NLRP11: variants seen among roughly 807,000 people sequenced by gnomAD.
NLRP11 encodes the protein NACHT, LRR and PYD domains-containing protein 11.
A neutral mutation model predicts 79.3 loss-of-function variants in NLRP11; 53 were observed. The observed-to-expected ratio is 0.67, with a 90% CI of 0.54 to 0.84. NLRP11 has a LOEUF of 0.84. Among genes scored for constraint, NLRP11 ranks in the 40% least tolerant of loss-of-function variants. The pLI is 0.00. For missense variants in NLRP11, 1,264 were observed against 1,255.0 expected, an observed-to-expected ratio of 1.01 and a Z score of -0.11; for synonymous variants, 518 against 462.6, an observed-to-expected ratio of 1.12 and a Z score of -1.54.
chr19:55,805,305 G>A (rs758061004), intron 4 of NLRP11, among the ~76,000 whole-genome samples: 20 of 151,892 alleles, frequency 1.3e-4, no homozygotes, highest in Non-Finnish European at 7.4e-5. Flanking sequence ...TGTGGAAGCT[G>A]GCCAACCCTT....
At chr19:55,805,625 C>T (rs139758666) in intron 4 of NLRP11, among the ~76,000 whole-genome samples, 4 of 152,126 alleles carry the variant, frequency 2.6e-5, no homozygotes, top group African/African-American at 7.2e-5. Context: ...CCGTGGCCTG[C>T]GCCTCCCGGG....
At position 55,794,754 on chromosome 19, in the gene NLRP11, C is replaced by T. The variant is rs566569727; in HGVS notation, c.2342+1326G>A. ...CAGCCTGGGCAATACAGCGAGACTC[C>T]GTCTCAAAAAAAAAAAATAAATAAA... is the stretch of plus-strand genomic sequence containing the variant. On this transcript the variant is annotated intron_variant, in intron 6 of 9. Coordinates refer to ENST00000589093, the Ensembl canonical transcript of NLRP11. Among the ~76,000 whole-genome samples the T allele has an allele frequency of 3.9e-3, 591 of 150,502 alleles. 3 individuals carry two copies. The highest frequency in any genetic ancestry group is 4.1e-3 in the Non-Finnish European group (277 of 67,806).
chr19:55,796,345 T>C, intron 5 of NLRP11, 95 bp from the exon 6 acceptor site: 3 of 952,296 alleles, frequency 3.2e-6, no homozygotes, highest in Non-Finnish European at 4.6e-6. Context: ...CCTAACCAAG[T>C]GCGATGATGT....
intron 5 of NLRP11, among the ~76,000 whole-genome samples, chr19:55,797,538 G>A (rs776628465): frequency 1.3e-5 from 2 of 152,146 alleles, no homozygotes; most frequent in East Asian, 3.8e-4. Flanking sequence ...GTAAAGACAG[G>A]GCTGAATGTA....
chr19:55,818,277 A>G (rs1981343382), intron 1 of NLRP11, 41 bp from the exon 2 acceptor site: 6 of 871,184 alleles, frequency 6.9e-6, no homozygotes, highest in African/African-American at 5.1e-5. Flanking sequence ...ACCACACAGT[A>G]ATGCCAATTC....
rs770845210 is a variant in NLRP11 at position 55,809,665 on chromosome 19, G to A, written c.945C>T (p.Asp315=). The change falls in exon 3 of 10, where the codon GAC becomes GAT. Residue 315 remains aspartate, a synonymous_variant. Transcript: ENST00000589093. This position sits in a 1 kb window ranked among gnomAD's most constrained non-coding sequence, Gnocchi z 4.5. ...GGAGGGCTGCCGACGCCCTCTGGCGGTCTTTAAAGAAAGAGTTAAAATATA... is the reference window on the plus strand; with the variant it reads ...GGAGGGCTGCCGACGCCCTCTGGCGATCTTTAAAGAAAGAGTTAAAATATA... The A allele has an allele frequency of 1.2e-5, 19 of 1,613,884 alleles. No individual in the cohort carries two copies. In the African/African-American group the frequency reaches 2.1e-4, roughly 18 times the overall value.
chr19:55,823,125 A>G (rs1266784995), intron 1 of NLRP11, among the ~76,000 whole-genome samples: 1 of 146,042 alleles, frequency 6.8e-6, no homozygotes, highest in Non-Finnish European at 1.5e-5. Flanking sequence ...AAGCAGCCTA[A>G]CTGGGAGGCA....
At position 55,797,572 on chromosome 19, in the gene NLRP11, T is replaced by C. The variant is rs1218605966; in HGVS notation, c.2172-1322A>G. On this transcript the variant is annotated intron_variant, in intron 5 of 9. Coordinates refer to ENST00000589093, the Ensembl canonical transcript of NLRP11. Reference sequence around the variant, plus strand: ...TATCATGTGCCTAGTAGATGATCAGTTCTTTATAGAAAGTAAATCAGAGTA... The same window carrying C: ...TATCATGTGCCTAGTAGATGATCAGCTCTTTATAGAAAGTAAATCAGAGTA... Among the ~76,000 whole-genome samples the C allele has an allele frequency of 2.0e-5, 3 of 152,228 alleles. No individual in the cohort carries two copies. The East Asian group carries it at 5.8e-4, about 29-fold the overall frequency.
intron 2 of NLRP11, among the ~76,000 whole-genome samples, chr19:55,811,982 C>T (rs1194956562): frequency 6.6e-6 from 1 of 151,718 alleles, no homozygotes; most frequent in Non-Finnish European, 1.5e-5. Context: ...CACACACACA[C>T]ACACACACAC....
upstream of NLRP11, among the ~76,000 whole-genome samples, chr19:55,833,765 C>CAAAAA (rs71182919): frequency 9.8e-4 from 23 of 23,490 alleles, 1 homozygote; most frequent in African/African-American, 2.8e-3. Flanking sequence ...GACTCCGTCT[C>CAAAAA]AAAAAAAAAA....
intron 4 of NLRP11, among the ~76,000 whole-genome samples, chr19:55,805,133 C>G (rs1979864135): frequency 6.6e-6 from 1 of 152,114 alleles, no homozygotes; most frequent in South Asian, 2.1e-4. Flanking sequence ...ACCACCACCA[C>G]CGGCCCTCAC....
chr19:55,813,490 G>A (rs1980800847), intron 2 of NLRP11, among the ~76,000 whole-genome samples: 1 of 152,070 alleles, frequency 6.6e-6, no homozygotes, highest in African/African-American at 2.4e-5. Flanking sequence ...TTTTCCACTG[G>A]GAGCAGTCTA....
Position 55,785,879 on chromosome 19 carries a change from A to G in NLRP11, c.2856-8T>C. 6.2e-7 allele frequency: 1 copy of G among 1,610,092 alleles called. No individual in the cohort carries two copies. The highest frequency in any genetic ancestry group is 1.1e-5 in the South Asian group (1 of 90,200). ...AGGCCAGTTAATGGAAGCCTGAAGG[A>G]AAACAGAGAGAGAACGCCGTTAATG... is the stretch of plus-strand genomic sequence containing the variant. On this transcript the variant is annotated splice_region_variant and splice_polypyrimidine_tract_variant and intron_variant, in intron 9 of 9. Coordinates refer to ENST00000589093, the Ensembl canonical transcript of NLRP11.
intron 4 of NLRP11, among the ~76,000 whole-genome samples, chr19:55,805,940 A>G (rs1220488252): frequency 6.6e-6 from 1 of 152,152 alleles, no homozygotes; most frequent in Non-Finnish European, 1.5e-5. Flanking sequence ...CTACCTTGCT[A>G]ATGTCATTGG....
intron 6 of NLRP11, among the ~76,000 whole-genome samples, chr19:55,795,312 C>T (rs572337376): frequency 2.0e-5 from 3 of 152,196 alleles, no homozygotes; most frequent in African/African-American, 7.2e-5. Context: ...AATCCTATTT[C>T]AAGGCAATCT....
intron 1 of NLRP11, among the ~76,000 whole-genome samples, chr19:55,822,846 G>A (rs4399643): frequency 0.044 from 6,634 of 152,182 alleles, 258 homozygotes; most frequent in East Asian, 0.16. Context: ...AGGGGCGCCC[G>A]CCATTGCCCA....
intron 6 of NLRP11, among the ~76,000 whole-genome samples, chr19:55,794,017 T>G (rs1426039482): frequency 6.6e-6 from 1 of 152,218 alleles, no homozygotes; most frequent in Non-Finnish European, 1.5e-5. Context: ...TTTCACGTTC[T>G]TAGGCTTAGA....
chr19:55,814,785 G>T (rs1229135287), intron 2 of NLRP11, among the ~76,000 whole-genome samples: 2 of 152,140 alleles, frequency 1.3e-5, no homozygotes, highest in African/African-American at 2.4e-5. Flanking sequence ...TTTTCAACTG[G>T]ATTATCTAGG....
At chr19:55,793,773 T>C (rs1600175137) in intron 6 of NLRP11, among the ~76,000 whole-genome samples, 2 of 152,070 alleles carry the variant, frequency 1.3e-5, no homozygotes, top group East Asian at 3.9e-4. Flanking sequence ...TTATTTTAAT[T>C]TGGGTTTGAC....
Sources: gnomAD v4.1 joint callset for allele counts (sites outside exome capture counted in the v4.1 genomes callset) on GRCh38, gnomAD v4.1.1 for gene constraint, Gnocchi (gnomAD v3.1) non-coding constraint, MANE v1.5 for transcripts, NCBI Gene and HGNC (gene_info 2026-07-23, HGNC 2026-07-21) for gene names.